Variants in KNTC1 observed in about 807,000 individuals in gnomAD.
KNTC1 encodes the protein kinetochore-associated protein 1.
Under a neutral mutation model 314.4 loss-of-function variants are expected in KNTC1, and 253 were observed. That is an observed-to-expected ratio of 0.80 (90% CI 0.73 to 0.89). The LOEUF is 0.89. Ranked by LOEUF, KNTC1 falls within the 40% of genes least tolerant of loss-of-function variation. The pLI, the probability that KNTC1 is intolerant of heterozygous loss-of-function variation, is 0.00. For synonymous variants in KNTC1, 901 were observed against 901.4 expected (o/e 1.00, Z 0.01); for missense variants, 2,475 against 2,572.9 (o/e 0.96, Z 0.82).
At chr12:122,609,054 G>C (rs1313261485) in intron 51 of KNTC1, 1 of 253,932 alleles carries the variant, frequency 3.9e-6, no homozygotes, top group Non-Finnish European at 7.5e-6. Context: ...GCAAGATCCT[G>C]TCTCCAAAAA....
intron 2 of KNTC1, 129 bp downstream of exon 2, chr12:122,530,321 G>C (rs1234875735): frequency 5.1e-6 from 4 of 777,862 alleles, no homozygotes; most frequent in South Asian, 2.0e-5. Flanking sequence ...TTCAATCTCA[G>C]ATTGCTAGAA....
At chr12:122,621,636 A>T (rs920540734) in intron 60 of KNTC1, among the ~76,000 whole-genome samples, 2 of 152,246 alleles carry the variant, frequency 1.3e-5, no homozygotes, top group Admixed American at 1.3e-4. Context: ...CGCCCAGCTG[A>T]ACATGCATAT....
At chr12:122,546,406 A>G in intron 9 of KNTC1, 137 bp downstream of exon 9, 3 of 667,200 alleles carry the variant, frequency 4.5e-6, no homozygotes, top group Non-Finnish European at 5.2e-6. Flanking sequence ...ATGGTTGTTC[A>G]CATACAGAAC....
Position 122,580,595 on chromosome 12 carries a change from A to G in KNTC1, c.2915-8A>G. The G allele has an allele frequency of 6.6e-7, 1 of 1,525,472 alleles. No homozygotes were observed. Among genetic ancestry groups the G allele is most frequent in the Non-Finnish European group, 8.9e-7 (1 of 1,124,980 alleles). 94.5% of individuals were successfully genotyped at this position (1,525,472 alleles called of 1,614,324 possible). A position where few individuals can be genotyped will look rare whatever the true frequency, so the allele number is the denominator to read the frequency against. The stretch of plus-strand genomic sequence containing the variant: ...TGTCTGCTATAACTTTTAAAAATTT[A>G]ATTACAGACAATCTGCAGAAGAAGG... On this transcript the variant is annotated splice_region_variant and splice_polypyrimidine_tract_variant and intron_variant, in intron 32 of 63. Transcript: ENST00000333479.
rs1168099792 is a variant in KNTC1, at chr12:122,618,193, A to C, written c.6031-150A>C. The C allele has an allele frequency of 2.0e-5, 13 of 663,336 alleles. No homozygotes were observed. The African/African-American group carries it at 2.2e-4, about 11-fold the overall frequency. 41.1% of individuals were successfully genotyped at this position (663,336 alleles called of 1,614,324 possible). ...TGCCATATTGGCCAGGCTGGTTTCG[A>C]ACTCCTGACCTCAAGTGATTCACCT... On this transcript the variant is annotated intron_variant, in intron 57 of 63. Coordinates refer to ENST00000333479, the MANE Select transcript of KNTC1 (RefSeq NM_014708.6).
intron 22 of KNTC1, 109 bp downstream of exon 22, chr12:122,569,933 A>G: frequency 1.1e-6 from 1 of 912,592 alleles, no homozygotes; most frequent in Non-Finnish European, 1.7e-6. Flanking sequence ...TAGTTAAGCT[A>G]ACACCTGTGT....
At chr12:122,620,915 T>C (rs1464246767) in intron 60 of KNTC1, among the ~76,000 whole-genome samples, 1 of 152,242 alleles carries the variant, frequency 6.6e-6, no homozygotes, top group Non-Finnish European at 1.5e-5. Flanking sequence ...TTAACCCATG[T>C]AGGCTTGGAC....
rs1304442215 is a variant in KNTC1, at chr12:122,591,331, T to C, written c.4129-6T>C. 4.7e-6 allele frequency: 7 copies of C among 1,491,238 alleles called. No homozygotes were observed. Among genetic ancestry groups the C allele is most frequent in the Non-Finnish European group, 6.6e-6 (7 of 1,068,126 alleles). 92.4% of individuals were successfully genotyped at this position (1,491,238 alleles called of 1,614,324 possible). ...ATTGAACTTTAATTCTCTTTTAATT[T>C]TTTAGGCAATATCTCTGGTGGGCTC... is the stretch of plus-strand genomic sequence containing the variant. On this transcript the variant is annotated splice_polypyrimidine_tract_variant and splice_region_variant and intron_variant, in intron 41 of 63. Coordinates refer to ENST00000333479, the MANE Select transcript of KNTC1 (RefSeq NM_014708.6).
At chr12:122,555,078 T>C (rs1377311119) in intron 16 of KNTC1, among the ~76,000 whole-genome samples, 1 of 152,176 alleles carries the variant, frequency 6.6e-6, no homozygotes, top group Non-Finnish European at 1.5e-5. Context: ...CTGTAACTTT[T>C]GGACTGCATA....
At chr12:122,625,745 A>G (rs927882485) in intron 63 of KNTC1, among the ~76,000 whole-genome samples, 6 of 152,214 alleles carry the variant, frequency 3.9e-5, no homozygotes, top group Non-Finnish European at 5.9e-5. Flanking sequence ...AAATGTGCAC[A>G]TAATTTATTT....
intron 39 of KNTC1, among the ~76,000 whole-genome samples, 190 bp downstream of exon 39, chr12:122,588,064 A>G (rs547380426): frequency 1.3e-5 from 2 of 152,316 alleles, no homozygotes; most frequent in African/African-American, 4.8e-5. Flanking sequence ...ACACATTTTC[A>G]TACTCATTCT....
Position 122,558,832 on chromosome 12 carries a change from C to T in KNTC1, c.1488+1143C>T, listed in dbSNP as rs535211545. 3.3e-5 allele frequency among the ~76,000 whole-genome samples: 5 copies of T among 152,180 alleles called. No homozygotes were observed. The South Asian group carries it at 6.2e-4, about 19-fold the overall frequency. On this transcript the variant is annotated intron_variant, in intron 18 of 63. Transcript: ENST00000333479. ...CAGAGGTTAGGGTGAGCCAAAACTG[C>T]GCCACAGCAGCCTGGGCAACAGAGT... is the stretch of plus-strand genomic sequence containing the variant.
chr12:122,580,757 AGTGGCTTACC>A, intron 33 of KNTC1, 87 bp downstream of exon 33: 2 of 811,916 alleles, frequency 2.5e-6, no homozygotes, highest in Non-Finnish European at 3.9e-6. Flanking sequence ...GGCTGGGCGC[AGTGGCTTACC>A]CCTGTAATCC....
chr12:122,543,522 C>G (rs1246957643), intron 6 of KNTC1, 78 bp from the exon 7 acceptor site: 1 of 1,095,064 alleles, frequency 9.1e-7, no homozygotes, highest in East Asian at 2.6e-5. Context: ...TTTAATTTCA[C>G]CTTGACACAA....
intron 31 of KNTC1, among the ~76,000 whole-genome samples, chr12:122,578,841 A>G (rs1808229712): frequency 6.6e-6 from 1 of 152,154 alleles, no homozygotes; most frequent in South Asian, 2.1e-4. Context: ...AATATTTGCT[A>G]TGCAATAGGC....
intron 1 of KNTC1, among the ~76,000 whole-genome samples, chr12:122,529,143 T>G (rs1961098374): frequency 6.6e-6 from 1 of 152,110 alleles, no homozygotes; most frequent in Non-Finnish European, 1.5e-5. Context: ...CGCGCCGGCC[T>G]GGTCTGTATA....
chr12:122,605,502 C>T, intron 51 of KNTC1, 87 bp downstream of exon 51: 1 of 665,148 alleles, frequency 1.5e-6, no homozygotes, highest in Non-Finnish European at 2.7e-6. Flanking sequence ...CCACATGATA[C>T]AGCCTTCTAA....
intron 31 of KNTC1, among the ~76,000 whole-genome samples, chr12:122,578,697 G>T (rs990930986): frequency 3.3e-5 from 5 of 152,130 alleles, no homozygotes; most frequent in Admixed American, 6.6e-5. Flanking sequence ...TAGGATTACA[G>T]GTGTGAGCCA....
intron 51 of KNTC1, among the ~76,000 whole-genome samples, chr12:122,605,746 A>ATG (rs981822086): frequency 4.0e-5 from 6 of 151,194 alleles, no homozygotes; most frequent in Non-Finnish European, 7.4e-5. Flanking sequence ...GGGTTTCACC[A>ATG]TGTTGGTCAG....
Sources: allele counts gnomAD v4.1 joint callset (sites outside exome capture counted in the v4.1 genomes callset), GRCh38; gene constraint gnomAD v4.1.1; transcripts MANE v1.5; gene names NCBI Gene and HGNC (gene_info 2026-07-23, HGNC 2026-07-21).